Variants in GPC5 observed in about 807,000 individuals in gnomAD.
The protein encoded by GPC5 is glypican 5.
GPC5 carries 47 observed loss-of-function variants against 53.9 expected under a neutral mutation model. That is an observed-to-expected ratio of 0.87 (90% CI 0.69 to 1.11). GPC5 has a LOEUF of 1.11. Among genes scored for constraint, GPC5 ranks in the 50% most tolerant of loss-of-function variants. GPC5 has a pLI of 0.00. For synonymous variants in GPC5, 286 were observed against 263.3 expected (o/e 1.09, Z -0.84); for missense variants, 748 against 713.1 (o/e 1.05, Z -0.56).
intron 7 of GPC5, among the ~76,000 whole-genome samples, chr13:92,578,151 C>G (rs182155619): frequency 3.3e-4 from 51 of 152,262 alleles, no homozygotes; most frequent in African/African-American, 1.1e-3. Flanking sequence ...TTCTTATTTT[C>G]TGTTGTGAAT....
chr13:91,825,036 A>T (rs1290215507), intron 5 of GPC5, among the ~76,000 whole-genome samples: 1 of 152,088 alleles, frequency 6.6e-6, no homozygotes, highest in Non-Finnish European at 1.5e-5. Context: ...CTCAACCATG[A>T]AATTATACTG....
At chr13:91,658,243 G>A (rs7322883) in intron 2 of GPC5, among the ~76,000 whole-genome samples, 31,939 of 151,990 alleles carry the variant, frequency 0.21, 5,326 homozygotes, top group African/African-American at 0.45. Context: ...CTTCCTAAAG[G>A]GTGAACAAGT....
intron 2 of GPC5, among the ~76,000 whole-genome samples, chr13:91,533,485 A>G (rs546655556): frequency 8.5e-5 from 13 of 152,326 alleles, no homozygotes; most frequent in African/African-American, 3.1e-4. Flanking sequence ...AAGATTTGGG[A>G]CCATGCCAGG....
At chr13:92,432,756 G>A (rs1233976772) in intron 7 of GPC5, among the ~76,000 whole-genome samples, 2 of 152,038 alleles carry the variant, frequency 1.3e-5, no homozygotes, top group African/African-American at 2.4e-5. Flanking sequence ...AGTAGGTTTA[G>A]TATGAGGAAA....
At chr13:91,437,524 T>A (rs1351855049) in intron 1 of GPC5, among the ~76,000 whole-genome samples, 1 of 152,268 alleles carries the variant, frequency 6.6e-6, no homozygotes, top group Non-Finnish European at 1.5e-5. Context: ...CCCCACTCTC[T>A]TCTGGCTTGT....
chr13:91,836,534 C>G (rs1483078415), intron 5 of GPC5, among the ~76,000 whole-genome samples: 1 of 151,942 alleles, frequency 6.6e-6, no homozygotes, highest in Non-Finnish European at 1.5e-5. Context: ...TACAGATTAG[C>G]TCTTTTTGAT....
intron 7 of GPC5, among the ~76,000 whole-genome samples, chr13:92,661,086 A>G (rs1018028038): frequency 6.6e-6 from 1 of 151,910 alleles, no homozygotes; most frequent in Non-Finnish European, 1.5e-5. Flanking sequence ...GGGTTGCTTG[A>G]CTCAGGAGTT....
chr13:91,623,977 A>T (rs1226487538), intron 2 of GPC5, among the ~76,000 whole-genome samples: 2 of 152,160 alleles, frequency 1.3e-5, no homozygotes, highest in Non-Finnish European at 2.9e-5. Context: ...AGTGGTAGTA[A>T]AGGGAGAATA....
chr13:92,245,038 A>G (rs896553878), intron 7 of GPC5, among the ~76,000 whole-genome samples: 3 of 19,250 alleles, frequency 1.6e-4, no homozygotes, highest in Non-Finnish European at 2.8e-4. Context: ...ACTCCATCTG[A>G]AAAAAAAAAA....
At chr13:92,698,695 T>C (rs910598896) in intron 7 of GPC5, among the ~76,000 whole-genome samples, 2 of 152,162 alleles carry the variant, frequency 1.3e-5, no homozygotes, top group Admixed American at 1.3e-4. Context: ...ATGGGATTGC[T>C]GGGTCAAATG....
chr13:91,904,939 A>G (rs1480897318), intron 5 of GPC5, among the ~76,000 whole-genome samples: 1 of 152,020 alleles, frequency 6.6e-6, no homozygotes, highest in Non-Finnish European at 1.5e-5. Context: ...TGCATTAGCA[A>G]TCTTGCTGCC....
intron 2 of GPC5, among the ~76,000 whole-genome samples, chr13:91,521,195 T>C (rs1885797880): frequency 2.0e-5 from 3 of 152,202 alleles, no homozygotes; most frequent in Admixed American, 1.3e-4. Context: ...AGGTTTGCTT[T>C]CTAAAATTCT....
At chr13:91,674,444 T>C (rs555418024) in intron 2 of GPC5, among the ~76,000 whole-genome samples, 2 of 150,412 alleles carry the variant, frequency 1.3e-5, no homozygotes, top group Admixed American at 1.3e-4. Flanking sequence ...CATATATATA[T>C]ACACATACAC....
chr13:92,362,106 A>G (rs1465824763), intron 7 of GPC5, among the ~76,000 whole-genome samples: 1 of 151,752 alleles, frequency 6.6e-6, no homozygotes, highest in Non-Finnish European at 1.5e-5. Context: ...CATACAGATA[A>G]TTAAACAATA....
At chr13:91,571,937 A>ATATACGTGTG (rs1566516260) in intron 2 of GPC5, among the ~76,000 whole-genome samples, 1 of 133,946 alleles carries the variant, frequency 7.5e-6, no homozygotes, top group African/African-American at 2.8e-5. Flanking sequence ...ATATACACAC[A>ATATACGTGTG]TGTATATACA....
intron 7 of GPC5, among the ~76,000 whole-genome samples, chr13:92,223,055 A>AT (rs943853992): frequency 1.3e-5 from 2 of 152,100 alleles, no homozygotes; most frequent in East Asian, 1.9e-4. Context: ...TTTCATCCAC[A>AT]TTTTTTCTTT....
At chr13:92,023,921 A>T (rs2040780336) in intron 6 of GPC5, among the ~76,000 whole-genome samples, 1 of 152,074 alleles carries the variant, frequency 6.6e-6, no homozygotes, top group Non-Finnish European at 1.5e-5. Flanking sequence ...GTACTTTGTG[A>T]ATTGTTTTAA....
At chr13:92,149,417 A>T (rs2041891507) in intron 7 of GPC5, among the ~76,000 whole-genome samples, 1 of 152,090 alleles carries the variant, frequency 6.6e-6, no homozygotes, top group Admixed American at 6.6e-5. Context: ...ATTTAGAAAT[A>T]GTAGGATAAT....
chr13:91,695,375 A>G (rs1045899329), intron 3 of GPC5, among the ~76,000 whole-genome samples: 2 of 151,194 alleles, frequency 1.3e-5, no homozygotes, highest in Admixed American at 6.6e-5. Flanking sequence ...TATTATTATT[A>G]TTTATTTATT....
Sources: allele counts gnomAD v4.1 joint callset (sites outside exome capture counted in the v4.1 genomes callset), GRCh38; gene constraint gnomAD v4.1.1; transcripts MANE v1.5; gene names NCBI Gene and HGNC (gene_info 2026-07-23, HGNC 2026-07-21).